The following FUT9 variants were observed in gnomAD, a reference collection of about 807,000 sequenced individuals.
FUT9 encodes the protein fucosyltransferase 9.
Under a neutral mutation model 29.7 loss-of-function variants are expected in FUT9, and 15 were observed. That is an observed-to-expected ratio of 0.51 (90% CI 0.34 to 0.78). The LOEUF is 0.78. FUT9 is among the 30% of genes least tolerant of loss of function. The pLI is 0.01. For synonymous variants in FUT9, 169 were observed against 153.7 expected (o/e 1.10, Z -0.74); for missense variants, 319 against 425.4 (o/e 0.75, Z 2.20).
intron 1 of FUT9, among the ~76,000 whole-genome samples, chr6:96,073,179 G>C (rs959032842): frequency 3.3e-5 from 5 of 152,152 alleles, no homozygotes; most frequent in African/African-American, 1.2e-4. Context: ...GGCCAGGTGT[G>C]GTGGCTCATG....
intron 1 of FUT9, among the ~76,000 whole-genome samples, chr6:96,090,363 GA>G (rs1203055846): frequency 7.3e-5 from 11 of 151,634 alleles, no homozygotes; most frequent in South Asian, 6.2e-4. Flanking sequence ...ATTAATTTTT[GA>G]AAAAAATTCT....
chr6:96,130,568 G>C (rs897241185), intron 2 of FUT9, among the ~76,000 whole-genome samples: 3 of 152,118 alleles, frequency 2.0e-5, no homozygotes, highest in Admixed American at 2.0e-4. Context: ...CAATTCATGA[G>C]CCTGAGTGAA....
rs11968616 is a variant in FUT9, at chr6:96,207,141, A to C, written c.*2906A>C. 69,705 of 165,998 alleles carry C rather than the reference A, an allele frequency of 0.42. 15,640 individuals carry two copies. The highest frequency in any genetic ancestry group is 0.7 in the South Asian group (3,395 of 4,818). 10.3% of individuals were successfully genotyped at this position (165,998 alleles called of 1,614,324 possible). On this transcript the variant is annotated 3_prime_UTR_variant, in exon 3 of 3. Transcript: ENST00000302103. ...TATAATTTTGTTGTTTATAATTGCT[A>C]TAATATAGAAATTATAATTGCTTTT...
Position 96,154,243 on chromosome 6 carries a change from A to G in FUT9, c.-9+40116A>G, listed in dbSNP as rs575339125. On this transcript the variant is annotated intron_variant, in intron 2 of 2. Transcript: ENST00000302103. The stretch of plus-strand genomic sequence containing the variant: ...AAAAGTGATAGAAATACATGAGCAC[A>G]GAGTAGCAAAATCATTTTCACAAAT... Among the ~76,000 whole-genome samples, 6 of 152,368 alleles carry G rather than the reference A, an allele frequency of 3.9e-5. No homozygotes were observed. In the East Asian group the frequency reaches 1.2e-3, roughly 29 times the overall value.
intron 1 of FUT9, among the ~76,000 whole-genome samples, chr6:96,075,062 G>C (rs994743657): frequency 6.6e-6 from 1 of 152,034 alleles, no homozygotes; most frequent in South Asian, 2.1e-4. Flanking sequence ...GGGATTACAG[G>C]CATGAGCCAG....
intron 1 of FUT9, among the ~76,000 whole-genome samples, chr6:96,066,300 T>C (rs188303414): frequency 6.6e-6 from 1 of 151,910 alleles, no homozygotes; most frequent in East Asian, 1.9e-4. Flanking sequence ...TTTAATACAT[T>C]TGTATATCAA....
At chr6:96,129,369 C>T (rs1435449960) in intron 2 of FUT9, among the ~76,000 whole-genome samples, 2 of 151,352 alleles carry the variant, frequency 1.3e-5, no homozygotes, top group Non-Finnish European at 1.5e-5. Context: ...GTCACCTAAG[C>T]CCAGAAAGTT....
At chr6:96,113,714 C>T (rs1329105952) in intron 1 of FUT9, among the ~76,000 whole-genome samples, 2 of 151,562 alleles carry the variant, frequency 1.3e-5, no homozygotes, top group Non-Finnish European at 2.9e-5. Context: ...ATTAGCCGGG[C>T]GTGGTGGCGG....
At chr6:96,058,456 C>T (rs1582200557) in intron 1 of FUT9, among the ~76,000 whole-genome samples, 1 of 92,584 alleles carries the variant, frequency 1.1e-5, no homozygotes, top group Admixed American at 1.3e-4. Flanking sequence ...GACTGGGAAC[C>T]TGGCTTTATT....
At chr6:96,128,021 CTTTAT>C (rs1447737792) in intron 2 of FUT9, among the ~76,000 whole-genome samples, 1 of 151,868 alleles carries the variant, frequency 6.6e-6, no homozygotes, top group Non-Finnish European at 1.5e-5. Flanking sequence ...TGTAGAAGCT[CTTTAT>C]TTTAATTAGA....
At chr6:96,028,765 T>C (rs555090968) in intron 1 of FUT9, among the ~76,000 whole-genome samples, 4 of 151,712 alleles carry the variant, frequency 2.6e-5, no homozygotes, top group African/African-American at 9.6e-5. Context: ...GAATATTATA[T>C]AATAATGCAG....
chr6:96,154,698 A>C (rs1218178888), intron 2 of FUT9, among the ~76,000 whole-genome samples: 1 of 152,236 alleles, frequency 6.6e-6, no homozygotes, highest in Non-Finnish European at 1.5e-5. Flanking sequence ...TGTAAGTATC[A>C]CATCTTCCTA....
intron 1 of FUT9, among the ~76,000 whole-genome samples, chr6:96,062,245 T>A (rs1384206078): frequency 6.6e-6 from 1 of 151,806 alleles, no homozygotes; most frequent in Non-Finnish European, 1.5e-5. Context: ...AGCTAGAAAG[T>A]AACAAATAGA....
intron 2 of FUT9, among the ~76,000 whole-genome samples, chr6:96,201,048 C>G (rs2127991011): frequency 6.6e-6 from 1 of 151,736 alleles, no homozygotes; most frequent in Non-Finnish European, 1.5e-5. Flanking sequence ...AGCTAAGCTT[C>G]TTTCTTAATT....
At chr6:96,199,919 A>G (rs1773697985) in intron 2 of FUT9, among the ~76,000 whole-genome samples, 1 of 152,172 alleles carries the variant, frequency 6.6e-6, no homozygotes. Context: ...AAAGCCCCTC[A>G]CAAAGCTTAC....
chr6:96,131,806 T>C (rs1772250201), intron 2 of FUT9, among the ~76,000 whole-genome samples: 1 of 152,122 alleles, frequency 6.6e-6, no homozygotes, highest in South Asian at 2.1e-4. Flanking sequence ...ACAAATTTAT[T>C]GCCTCTTCTC....
At chr6:96,088,857 T>C (rs562939652) in intron 1 of FUT9, among the ~76,000 whole-genome samples, 7 of 152,312 alleles carry the variant, frequency 4.6e-5, no homozygotes, top group Admixed American at 2.6e-4. Context: ...ATATTGTGAA[T>C]TTTACCTTGA....
At chr6:96,059,377 T>C (rs562437324) in intron 1 of FUT9, among the ~76,000 whole-genome samples, 1 of 152,328 alleles carries the variant, frequency 6.6e-6, no homozygotes, top group African/African-American at 2.4e-5. Flanking sequence ...ATAATGTTAG[T>C]CCAACCACTT....
intron 1 of FUT9, among the ~76,000 whole-genome samples, chr6:96,040,647 T>G (rs1255484417): frequency 1.3e-5 from 2 of 151,918 alleles, no homozygotes; most frequent in African/African-American, 4.8e-5. Context: ...AGAAAAGAGA[T>G]GGGGAGAGCA....
Sources: gnomAD v4.1 joint callset for allele counts (sites outside exome capture counted in the v4.1 genomes callset) on GRCh38, gnomAD v4.1.1 for gene constraint, MANE v1.5 for transcripts, NCBI Gene and HGNC (gene_info 2026-07-23, HGNC 2026-07-21) for gene names.